OR2V2: variants seen among roughly 807,000 people sequenced by gnomAD.
OR2V2 encodes olfactory receptor family 2 subfamily V member 2.
For synonymous variants in OR2V2, 161 were observed against 151.3 expected, an observed-to-expected ratio of 1.06 and a Z score of -0.47; for missense variants, 392 against 392.2, an observed-to-expected ratio of 1.00 and a Z score of 0.00.
chr5:181,149,014 T>A (rs1763161041), intron 1 of OR2V2, among the ~76,000 whole-genome samples: 1 of 152,240 alleles, frequency 6.6e-6, no homozygotes, highest in Non-Finnish European at 1.5e-5. Flanking sequence ...GTCTGGGTGA[T>A]GACGGATGGC....
chr5:181,151,381 T>G (rs1763188949), intron 1 of OR2V2, among the ~76,000 whole-genome samples: 1 of 152,142 alleles, frequency 6.6e-6, no homozygotes, highest in Non-Finnish European at 1.5e-5. Context: ...CTGGCTTAAG[T>G]TGCAGGCGAT....
intron 1 of OR2V2, among the ~76,000 whole-genome samples, chr5:181,150,885 G>A (rs1763183431): frequency 1.3e-5 from 2 of 152,158 alleles, no homozygotes; most frequent in South Asian, 4.1e-4. Context: ...GCTGAGGTGG[G>A]AGGATTACTT....
intron 1 of OR2V2, among the ~76,000 whole-genome samples, chr5:181,149,471 G>T (rs1349858011): frequency 6.6e-6 from 1 of 152,198 alleles, no homozygotes; most frequent in Non-Finnish European, 1.5e-5. Context: ...GCCATCTGGG[G>T]GGATGCTGAG....
At chr5:181,152,712 C>T (rs1763207570) in intron 1 of OR2V2, among the ~76,000 whole-genome samples, 2 of 152,180 alleles carry the variant, frequency 1.3e-5, no homozygotes, top group Non-Finnish European at 2.9e-5. Context: ...ACAAAATACC[C>T]CACTCCTCTC....
rs1279756 is a variant in OR2V2 at position 181,158,474 on chromosome 5, G to A, written c.*2584G>A. On this transcript the variant is annotated 3_prime_UTR_variant, in exon 2 of 2. Transcript: ENST00000641492. ...TGGTGAAACCCCATCTCTACAAAAA[G>A]TACAAAAATCAGCCGGGCGTGGTTA... is the stretch of plus-strand genomic sequence containing the variant. The A allele has an allele frequency of 0.63, 95,166 of 151,708 alleles. 30,674 individuals are homozygous for A. Among genetic ancestry groups the A allele is most frequent in the African/African-American group, 0.78 (32,325 of 41,362 alleles). 9.4% of individuals were successfully genotyped at this position (151,708 alleles called of 1,614,324 possible).
chr5:181,154,100 T>A (rs1763225451), intron 1 of OR2V2, among the ~76,000 whole-genome samples: 1 of 152,158 alleles, frequency 6.6e-6, no homozygotes, highest in African/African-American at 2.4e-5. Flanking sequence ...CAGGAGAACA[T>A]CCTTTCCCTG....
intron 1 of OR2V2, 109 bp from the exon 2 acceptor site, chr5:181,154,809 CA>C (rs1480717865): frequency 1.5e-6 from 1 of 688,920 alleles, no homozygotes; most frequent in Non-Finnish European, 2.6e-6. Context: ...CCCAAAGCTT[CA>C]GTTGTTGAGA....
In OR2V2 at chr5:181,157,035, A is replaced by G. The variant is rs1582198376; in HGVS notation, c.*1145A>G. 1 of 152,286 alleles carries G rather than the reference A, an allele frequency of 6.6e-6. No homozygotes were observed. Among genetic ancestry groups the G allele is most frequent in the East Asian group, 1.9e-4 (1 of 5,202 alleles). 9.4% of individuals were successfully genotyped at this position (152,286 alleles called of 1,614,324 possible). ...CCCTTCGGGGAATGAAGACTGGAGC[A>G]TGGTGACAGAATTTCATCTGCTATT... is the stretch of plus-strand genomic sequence containing the variant. On this transcript the variant is annotated 3_prime_UTR_variant, in exon 2 of 2. Transcript: ENST00000641492.
rs114677875 is a variant in OR2V2 at position 181,157,212 on chromosome 5, G to T, written c.*1322G>T. The T allele has an allele frequency of 0.01, 1,529 of 152,360 alleles. 24 individuals are homozygous for T. The highest frequency in any genetic ancestry group is 0.035 in the African/African-American group (1,454 of 41,588). 9.4% of individuals were successfully genotyped at this position (152,360 alleles called of 1,614,324 possible). On this transcript the variant is annotated 3_prime_UTR_variant, in exon 2 of 2. Transcript: ENST00000641492. ...GGCGGAGAGAAAAGAGGCCAGAACT[G>T]GTCCTGAGGATTAGACTAAACCCCA...
At chr5:181,148,174 C>T (rs1009822228) in intron 1 of OR2V2, among the ~76,000 whole-genome samples, 179 bp downstream of exon 1, 7 of 152,310 alleles carry the variant, frequency 4.6e-5, no homozygotes, top group African/African-American at 1.2e-4. Context: ...GGTGTGATGT[C>T]TCTCCTCACT....
In OR2V2 at chr5:181,155,594, T is replaced by A; in HGVS notation, c.652T>A (p.Ser218Thr). Residue 218 changes from serine to threonine, a missense_variant, in exon 2 of 2, where the codon TCC (serine) becomes ACC (threonine). By Grantham distance (58) the Ser-to-Thr change is moderately conservative. Transcript: ENST00000641492. ...LLFPFSIIVA[S>T]YAHILGTVLQ... ...CTTCCCATTCTCCATCATCGTGGCCTCCTATGCTCACATTCTAGGGACTGT... is the reference window on the plus strand; with the variant it reads ...CTTCCCATTCTCCATCATCGTGGCCACCTATGCTCACATTCTAGGGACTGT... 6.2e-7 allele frequency: 1 copy of A among 1,614,236 alleles called. No homozygotes were observed. The highest frequency in any genetic ancestry group is 8.5e-7 in the Non-Finnish European group (1 of 1,180,036).
chr5:181,147,933 T>A lies in OR2V2; in HGVS notation c.-87T>A, dbSNP rs2546443. 1 of 395,484 alleles carries A rather than the reference T, an allele frequency of 2.5e-6. No homozygotes were observed. The highest frequency in any genetic ancestry group is 2.1e-5 in the African/African-American group (1 of 47,040). The allele number at this position is 395,484 out of a possible 1,614,324, so 24.5% of individuals were successfully genotyped here. A position where few individuals can be genotyped will look rare whatever the true frequency, so the allele number is the denominator to read the frequency against. On this transcript the variant is annotated 5_prime_UTR_variant, in exon 1 of 2. It removes an upstream start codon present in the reference 5' UTR. Coordinates refer to ENST00000641492, the MANE Select transcript of OR2V2 (RefSeq NM_206880.2). ...CAGGAGGATGAGTGCATGGCTCTGA[T>A]GCTAGGAACTCCTCCACAGGTGACT...
rs1763251899 is a variant in OR2V2 at position 181,155,518 on chromosome 5, C to T, written c.576C>T (p.Asp192=). ...CCTTGTTGAAGCTGGCCTGTGTAGA[C>T]ACATCCCTGTTTGAGAAGGTGATAT... ...MLSLLKLACV[D]TSLFEKVIFA... Residue 192 remains aspartate, a synonymous_variant, in exon 2 of 2, where the codon GAC becomes GAT. Coordinates refer to ENST00000641492, the MANE Select transcript of OR2V2 (RefSeq NM_206880.2). 1 of 1,614,016 alleles carries T rather than the reference C, an allele frequency of 6.2e-7. No individual in the cohort carries two copies. Among genetic ancestry groups the T allele is most frequent in the African/African-American group, 1.3e-5 (1 of 74,928 alleles).
chr5:181,147,623 A>C lies in OR2V2; in HGVS notation c.-397A>C, dbSNP rs2546444. The C allele has an allele frequency of 0.3, 62,203 of 205,260 alleles. 16,175 individuals carry two copies. Among genetic ancestry groups the C allele is most frequent in the African/African-American group, 0.78 (31,713 of 40,558 alleles). The allele number at this position is 205,260 out of a possible 1,614,324, so 12.7% of individuals were successfully genotyped here. A position where few individuals can be genotyped will look rare whatever the true frequency, so the allele number is the denominator to read the frequency against. On this transcript the variant is annotated 5_prime_UTR_variant, in exon 1 of 2. Coordinates refer to ENST00000641492, the MANE Select transcript of OR2V2 (RefSeq NM_206880.2). ...TGTGGGCAGTGGGAGGCGGTTCTGGAACCTGGCCAGAGCCAGGGTGTCCTG... is the reference window on the plus strand; with the variant it reads ...TGTGGGCAGTGGGAGGCGGTTCTGGCACCTGGCCAGAGCCAGGGTGTCCTG...
chr5:181,148,550 T>TC (rs1763154955), intron 1 of OR2V2, among the ~76,000 whole-genome samples: 1 of 152,268 alleles, frequency 6.6e-6, no homozygotes, highest in Admixed American at 6.5e-5. Context: ...AATTCAGTTG[T>TC]ATTTCATAAA....
intron 1 of OR2V2, among the ~76,000 whole-genome samples, chr5:181,153,295 T>C (rs1237601069): frequency 6.6e-6 from 1 of 152,166 alleles, no homozygotes; most frequent in African/African-American, 2.4e-5. Flanking sequence ...CAAGGATGCT[T>C]TGTCTTTTTT....
At position 181,155,968 on chromosome 5, in the gene OR2V2, C is replaced by T; in HGVS notation, c.*78C>T. On this transcript the variant is annotated 3_prime_UTR_variant, in exon 2 of 2. Transcript: ENST00000641492. ...GGTTAATAATTCTCTCATTTTCAGT[C>T]TTGGTTTCCTCGTGAATTATGATGA... 7.4e-7 allele frequency: 1 copy of T among 1,357,738 alleles called. No individual in the cohort carries two copies. The allele number at this position is 1,357,738 out of a possible 1,614,324, so 84.1% of individuals were successfully genotyped here. A position where few individuals can be genotyped will look rare whatever the true frequency, so the allele number is the denominator to read the frequency against.
intron 1 of OR2V2, among the ~76,000 whole-genome samples, chr5:181,154,456 G>A (rs1236777657): frequency 6.6e-6 from 1 of 152,128 alleles, no homozygotes; most frequent in African/African-American, 2.4e-5. Context: ...TGGGCGTGGT[G>A]GCGGGCGCCT....
Position 181,156,818 on chromosome 5 carries a change from T to C in OR2V2, c.*928T>C, listed in dbSNP as rs1233212558. 2 of 152,232 alleles carry C rather than the reference T, an allele frequency of 1.3e-5. No individual in the cohort carries two copies. The highest frequency in any genetic ancestry group is 4.8e-5 in the African/African-American group (2 of 41,454). The allele number at this position is 152,232 out of a possible 1,614,324, so 9.4% of individuals were successfully genotyped here. A position where few individuals can be genotyped will look rare whatever the true frequency, so the allele number is the denominator to read the frequency against. On this transcript the variant is annotated 3_prime_UTR_variant, in exon 2 of 2. Coordinates refer to ENST00000641492, the MANE Select transcript of OR2V2 (RefSeq NM_206880.2). ...TTTAGAGAATGTCTACTCCTCACACTGGAAACTTCATAAAGACGTATTAAA... is the reference window on the plus strand; with the variant it reads ...TTTAGAGAATGTCTACTCCTCACACCGGAAACTTCATAAAGACGTATTAAA...
Sources: gnomAD v4.1 joint callset for allele counts (sites outside exome capture counted in the v4.1 genomes callset) on GRCh38, gnomAD v4.1.1 for gene constraint, MANE v1.5 for transcripts, NCBI Gene and HGNC (gene_info 2026-07-23, HGNC 2026-07-21) for gene names.